The following PGRMC2 variants were observed in gnomAD, a reference collection of about 807,000 sequenced individuals.
PGRMC2 encodes the protein progesterone receptor membrane component 2, also known as membrane-associated progesterone receptor component 2.
Under a neutral mutation model 19.3 loss-of-function variants are expected in PGRMC2, and 9 were observed. That is an observed-to-expected ratio of 0.47 (90% CI 0.28 to 0.81). The LOEUF is 0.81. PGRMC2 is among the 40% of genes least tolerant of loss of function. The pLI is 0.11. For missense variants in PGRMC2, 289 were observed against 297.3 expected, an observed-to-expected ratio of 0.97 and a Z score of 0.21; for synonymous variants, 157 against 124.6, an observed-to-expected ratio of 1.26 and a Z score of -1.73.
intron 1 of PGRMC2, 67 bp from the exon 2 acceptor site, chr4:128,272,584 T>TAAAAAAAAA (rs5861848): frequency 3.1e-6 from 1 of 318,666 alleles, no homozygotes. Flanking sequence ...AAGGAAAAAG[T>TAAAAAAAAA]AAAAAAAAAA....
chr4:128,277,380 G>T (rs1057045219), intron 1 of PGRMC2, among the ~76,000 whole-genome samples: 1 of 152,108 alleles, frequency 6.6e-6, no homozygotes, highest in Non-Finnish European at 1.5e-5. Context: ...AACAACATAT[G>T]CTCATTGTAA....
chr4:128,278,812 C>T (rs1398727549), intron 1 of PGRMC2, among the ~76,000 whole-genome samples: 1 of 152,092 alleles, frequency 6.6e-6, no homozygotes, highest in Non-Finnish European at 1.5e-5. Context: ...CAAAAAAACA[C>T]CATAAATAAG....
Position 128,271,238 on chromosome 4 carries a change from C to T in PGRMC2, c.*78G>A. The T allele has an allele frequency of 1.5e-6, 1 of 678,782 alleles. No homozygotes were observed. Among genetic ancestry groups the T allele is most frequent in the Non-Finnish European group, 2.6e-6 (1 of 389,216 alleles). 42.0% of individuals were successfully genotyped at this position (678,782 alleles called of 1,614,324 possible). ...GTTTTTCGCAGCAGGTGAATCAAAC[C>T]CAAAGACTCCGGACAGTCTGTGAAA... On this transcript the variant is annotated 3_prime_UTR_variant, in exon 3 of 3. Coordinates refer to ENST00000296425, the MANE Select transcript of PGRMC2 (RefSeq NM_006320.6).
At chr4:128,274,094 T>C (rs1760770437) in intron 1 of PGRMC2, among the ~76,000 whole-genome samples, 1 of 152,248 alleles carries the variant, frequency 6.6e-6, no homozygotes, top group Non-Finnish European at 1.5e-5. Context: ...GTAATTTATT[T>C]AATCAGTCTT....
chr4:128,271,222 A>G lies in PGRMC2; in HGVS notation c.*94T>C. 2 of 595,776 alleles carry G rather than the reference A, an allele frequency of 3.4e-6. No individual in the cohort carries two copies. The highest frequency in any genetic ancestry group is 6.1e-6 in the Non-Finnish European group (2 of 328,082). The allele number at this position is 595,776 out of a possible 1,614,324, so 36.9% of individuals were successfully genotyped here. A position where few individuals can be genotyped will look rare whatever the true frequency, so the allele number is the denominator to read the frequency against. ...ACACAATTTGTTGAATGTTTTTCGCAGCAGGTGAATCAAACCCAAAGACTC... is the reference window on the plus strand; with the variant it reads ...ACACAATTTGTTGAATGTTTTTCGCGGCAGGTGAATCAAACCCAAAGACTC... On this transcript the variant is annotated 3_prime_UTR_variant, in exon 3 of 3. Transcript: ENST00000296425.
intron 1 of PGRMC2, among the ~76,000 whole-genome samples, chr4:128,285,292 G>T (rs1301929424): frequency 6.6e-6 from 1 of 151,968 alleles, no homozygotes; most frequent in Non-Finnish European, 1.5e-5. Flanking sequence ...ACGTCTAGCT[G>T]ATTTTCTTGT....
intron 1 of PGRMC2, among the ~76,000 whole-genome samples, chr4:128,277,176 A>G (rs1204430266): frequency 6.6e-6 from 1 of 152,112 alleles, no homozygotes; most frequent in Non-Finnish European, 1.5e-5. Flanking sequence ...AAACAAACAA[A>G]CAAACAAACA....
chr4:128,280,930 C>G (rs1232910514), intron 1 of PGRMC2, among the ~76,000 whole-genome samples: 1 of 152,086 alleles, frequency 6.6e-6, no homozygotes, highest in African/African-American at 2.4e-5. Context: ...TAAACCCAAA[C>G]TATTATTCCT....
chr4:128,271,623 C>T (rs563215115), intron 2 of PGRMC2, among the ~76,000 whole-genome samples: 2 of 152,272 alleles, frequency 1.3e-5, no homozygotes, highest in Admixed American at 6.5e-5. Flanking sequence ...ACTTATAAGG[C>T]TTGGGAATTC....
rs1761012844 is a variant in PGRMC2 at position 128,287,778 on chromosome 4, C to T, written c.13G>A (p.Asp5Asn). MAAG[D>N]GDVKLGTLGS... ...AGGGTGCCTAGCTTCACGTCCCCAT[C>T]ACCAGCCGCCATCACTGCCCGCCAG... Residue 5 changes from aspartate to asparagine, a missense_variant, in exon 1 of 3, where the codon GAT becomes AAT. Coordinates refer to ENST00000296425, the MANE Select transcript of PGRMC2 (RefSeq NM_006320.6). The T allele has an allele frequency of 2.7e-6, 4 of 1,483,382 alleles. No homozygotes were observed. The highest frequency in any genetic ancestry group is 1.4e-5 in the African/African-American group (1 of 72,790). 91.9% of individuals were successfully genotyped at this position (1,483,382 alleles called of 1,614,324 possible).
At chr4:128,279,979 G>C (rs1760880700) in intron 1 of PGRMC2, among the ~76,000 whole-genome samples, 1 of 150,636 alleles carries the variant, frequency 6.6e-6, no homozygotes, top group African/African-American at 2.5e-5. Flanking sequence ...AAAAATCATT[G>C]TTTTAACTTA....
At chr4:128,272,204 G>A (rs1561614058) in intron 2 of PGRMC2, among the ~76,000 whole-genome samples, 158 bp downstream of exon 2, 1 of 152,068 alleles carries the variant, frequency 6.6e-6, no homozygotes, top group Non-Finnish European at 1.5e-5. Flanking sequence ...ACAGGCATGT[G>A]CCACTTCACC....
rs191921779 is a variant in PGRMC2 at position 128,276,485 on chromosome 4, A to C, written c.419-3968T>G. On this transcript the variant is annotated intron_variant, in intron 1 of 2. Coordinates refer to ENST00000296425, the MANE Select transcript of PGRMC2 (RefSeq NM_006320.6). ...TTGGGTGTGGCACCACGCCCAGCTA[A>C]TTTTTATATTTTTGGTAGAGAGGGG... Among the ~76,000 whole-genome samples, 406 of 152,124 alleles carry C rather than the reference A, an allele frequency of 2.7e-3. 2 individuals carry two copies. The highest frequency in any genetic ancestry group is 9.2e-3 in the African/African-American group (383 of 41,492).
rs187649429 is a variant in PGRMC2, at chr4:128,286,723, A to G, written c.418+650T>C. On this transcript the variant is annotated intron_variant, in intron 1 of 2. Coordinates refer to ENST00000296425, the MANE Select transcript of PGRMC2 (RefSeq NM_006320.6). ...TGTTCTCATCCCACATACCTTGTTA[A>G]TCATGGAAAGCAACTCCGAACTAAA... The G allele has an allele frequency of 2.6e-3, 1,048 of 398,614 alleles. 5 individuals carry two copies. The highest frequency in any genetic ancestry group is 5.6e-3 in the Admixed American group (127 of 22,728). The allele number at this position is 398,614 out of a possible 1,614,324, so 24.7% of individuals were successfully genotyped here. A position where few individuals can be genotyped will look rare whatever the true frequency, so the allele number is the denominator to read the frequency against.
intron 1 of PGRMC2, among the ~76,000 whole-genome samples, chr4:128,282,837 TA>T (rs1760928219): frequency 6.6e-6 from 1 of 152,220 alleles, no homozygotes; most frequent in Non-Finnish European, 1.5e-5. Context: ...AAATTGAAGA[TA>T]AAGTTTAAAA....
intron 1 of PGRMC2, among the ~76,000 whole-genome samples, chr4:128,280,903 T>TATAG (rs1760901174): frequency 1.3e-5 from 2 of 152,160 alleles, no homozygotes; most frequent in Non-Finnish European, 2.9e-5. Flanking sequence ...CCTGGCCCAA[T>TATAG]CTACAATTTT....
In PGRMC2 at chr4:128,270,744, G is replaced by T. The variant is rs1760715111; in HGVS notation, c.*572C>A. 6.6e-6 allele frequency: 1 copy of T among 151,938 alleles called. No homozygotes were observed. The highest frequency in any genetic ancestry group is 2.4e-5 in the African/African-American group (1 of 41,432). The allele number at this position is 151,938 out of a possible 1,614,324, so 9.4% of individuals were successfully genotyped here. A position where few individuals can be genotyped will look rare whatever the true frequency, so the allele number is the denominator to read the frequency against. ...TAATTTCCAAAGATTTCTTTATAAA[G>T]ATATTTTTCTTTTCCCTGACAAAGC... is the stretch of plus-strand genomic sequence containing the variant. On this transcript the variant is annotated 3_prime_UTR_variant, in exon 3 of 3. Coordinates refer to ENST00000296425, the MANE Select transcript of PGRMC2 (RefSeq NM_006320.6).
intron 1 of PGRMC2, among the ~76,000 whole-genome samples, chr4:128,281,614 C>T (rs1475081892): frequency 6.6e-6 from 1 of 152,068 alleles, no homozygotes; most frequent in African/African-American, 2.4e-5. Context: ...AATCACAAAA[C>T]ATATACACTA....
chr4:128,274,992 A>G (rs1760786774), intron 1 of PGRMC2, among the ~76,000 whole-genome samples: 1 of 152,150 alleles, frequency 6.6e-6, no homozygotes, highest in South Asian at 2.1e-4. Context: ...TGAGAGTACT[A>G]TTTCCACTTT....
Sources: allele counts gnomAD v4.1 joint callset (sites outside exome capture counted in the v4.1 genomes callset), GRCh38; gene constraint gnomAD v4.1.1; transcripts MANE v1.5; gene names NCBI Gene and HGNC (gene_info 2026-07-23, HGNC 2026-07-21).